ARHGEF10L: variants seen among roughly 807,000 people sequenced by gnomAD.
ARHGEF10L encodes the protein Rho guanine nucleotide exchange factor 10 like, also known as rho guanine nucleotide exchange factor 10-like protein.
In ARHGEF10L, 69 loss-of-function variants were observed where a neutral mutation model predicts 141.2. The observed-to-expected ratio is 0.49, with a 90% CI of 0.40 to 0.60. The LOEUF (loss-of-function observed/expected upper bound fraction) is 0.60, where lower values mean the gene tolerates loss of function less well. Ranked by LOEUF, ARHGEF10L falls within the 20% of genes least tolerant of loss-of-function variation. The probability of loss-of-function intolerance (pLI) is 0.00; values close to 1 mark genes in which losing one functional copy is unlikely to be tolerated. For synonymous variants in ARHGEF10L, 711 were observed against 718.5 expected, an observed-to-expected ratio of 0.99 and a Z score of 0.17; for missense variants, 1,482 against 1,734.3, an observed-to-expected ratio of 0.85 and a Z score of 2.58.
rs552292685 is a variant in ARHGEF10L, at chr1:17,601,690, C to T, written c.258-437C>T. On this transcript the variant is annotated intron_variant, in intron 4 of 28. Coordinates refer to ENST00000361221, the MANE Select transcript of ARHGEF10L (RefSeq NM_018125.4). Reference sequence around the variant, plus strand: ...TGAACTCCTGACCTCAAGTGATCCACATGCCTTGGCCTCCCAAAGTGCTGT... The same window carrying T: ...TGAACTCCTGACCTCAAGTGATCCATATGCCTTGGCCTCCCAAAGTGCTGT... Among the ~76,000 whole-genome samples, 409 of 152,190 alleles carry T rather than the reference C, an allele frequency of 2.7e-3. 1 individual carries two copies. Among genetic ancestry groups the T allele is most frequent in the Non-Finnish European group, 4.7e-3 (321 of 68,038 alleles).
chr1:17,671,940 A>G (rs149219873), intron 26 of ARHGEF10L, among the ~76,000 whole-genome samples: 2 of 152,172 alleles, frequency 1.3e-5, no homozygotes, highest in South Asian at 2.1e-4. Flanking sequence ...TCTGTCTGTA[A>G]TGTTTCCCCA....
At chr1:17,538,979 A>G (rs2076624755), upstream of ARHGEF10L, among the ~76,000 whole-genome samples, 2 of 152,346 alleles carry the variant, frequency 1.3e-5, no homozygotes, top group South Asian at 2.1e-4. Flanking sequence ...GGGAGTACCT[A>G]GTGTTTGGCA....
chr1:17,662,595 A>G (rs2062698827), intron 25 of ARHGEF10L, among the ~76,000 whole-genome samples: 1 of 152,036 alleles, frequency 6.6e-6, no homozygotes, highest in Admixed American at 6.5e-5. Flanking sequence ...TAAGTAGGGC[A>G]TAAGGGCAGA....
the ARHGEF10L span, among the ~76,000 whole-genome samples, chr1:17,518,455 G>A: frequency 6.6e-6 from 1 of 152,164 alleles, no homozygotes; most frequent in Non-Finnish European, 1.5e-5. Flanking sequence ...AATGATCCCA[G>A]AAGATGTTGG....
intron 26 of ARHGEF10L, among the ~76,000 whole-genome samples, chr1:17,665,019 C>T (rs1282509364): frequency 6.6e-6 from 1 of 152,176 alleles, no homozygotes; most frequent in African/African-American, 2.4e-5. Context: ...CTGCCTTGCC[C>T]TGGTTCCAGC....
intron 2 of ARHGEF10L, among the ~76,000 whole-genome samples, chr1:17,581,925 G>A (rs1177353552): frequency 6.6e-6 from 1 of 152,032 alleles, no homozygotes; most frequent in Non-Finnish European, 1.5e-5. Context: ...TCTTCCCTGT[G>A]GCAATGGGTG....
In ARHGEF10L at chr1:17,587,568, C is replaced by G. The variant is rs759926597; in HGVS notation, c.146C>G (p.Ala49Gly). 6.2e-7 allele frequency: 1 copy of G among 1,614,064 alleles called. No individual in the cohort carries two copies. Among genetic ancestry groups the G allele is most frequent in the African/African-American group, 1.3e-5 (1 of 74,928 alleles). Reference sequence around the variant, plus strand: ...GATGATGAAGAGGACACCAGCGCAGCCCTGGGCGTCCCCAGCCTTGCTCCT... The same window carrying G: ...GATGATGAAGAGGACACCAGCGCAGGCCTGGGCGTCCCCAGCCTTGCTCCT... Reference protein sequence around the residue: ...DSDDEEDTSAALGVPSLAPER... With the variant: ...DSDDEEDTSAGLGVPSLAPER... Residue 49 changes from alanine to glycine, a missense_variant, in exon 3 of 29, where the codon GCC becomes GGC. Physicochemically the swap from Ala to Gly is moderately conservative, Grantham distance 60. This residue lies in a region of ARHGEF10L where 232 missense variants were observed against 225.9 expected (regional missense o/e 1.03). Transcript: ENST00000361221.
chr1:17,515,793 C>G, the ARHGEF10L span, among the ~76,000 whole-genome samples: 1 of 152,074 alleles, frequency 6.6e-6, no homozygotes. Context: ...CAGGTGTGCA[C>G]CACCATGCCT....
chr1:17,561,831 G>A (rs557302255), intron 1 of ARHGEF10L, among the ~76,000 whole-genome samples: 2 of 152,304 alleles, frequency 1.3e-5, no homozygotes, highest in Admixed American at 1.3e-4. Flanking sequence ...AGATGGCAGT[G>A]CCTTTTGCCC....
chr1:17,562,812 C>A (rs1405872439), intron 1 of ARHGEF10L, among the ~76,000 whole-genome samples: 1 of 152,184 alleles, frequency 6.6e-6, no homozygotes, highest in Non-Finnish European at 1.5e-5. Context: ...CACTCCTGGC[C>A]CATGCTGGGC....
rs1246156502 is a variant in ARHGEF10L, at chr1:17,632,215, C to T, written c.1585-106C>T. On this transcript the variant is annotated intron_variant, in intron 15 of 28. Coordinates refer to ENST00000361221, the MANE Select transcript of ARHGEF10L (RefSeq NM_018125.4). ...AGTGGCTTCATCTCCTCCACCTCTC[C>T]CAGCCTCAGTCTCCCTTTCTGCACC... 2.1e-6 allele frequency: 3 copies of T among 1,461,628 alleles called. No individual in the cohort carries two copies. The African/African-American group carries it at 4.2e-5, about 20-fold the overall frequency. 90.5% of individuals were successfully genotyped at this position (1,461,628 alleles called of 1,614,324 possible).
At chr1:17,562,459 G>A (rs1442479293) in intron 1 of ARHGEF10L, among the ~76,000 whole-genome samples, 2 of 152,122 alleles carry the variant, frequency 1.3e-5, no homozygotes, top group Non-Finnish European at 2.9e-5. Context: ...TGGGGCCCTG[G>A]ATATCCACCT....
At chr1:17,694,699 C>T in intron 27 of ARHGEF10L, 1 of 345,346 alleles carries the variant, frequency 2.9e-6, no homozygotes, top group Non-Finnish European at 5.7e-6. Context: ...CTCTCGAGCC[C>T]CACCCGGCCC....
At chr1:17,646,361 T>G (rs1281869994) in intron 21 of ARHGEF10L, among the ~76,000 whole-genome samples, 1 of 152,186 alleles carries the variant, frequency 6.6e-6, no homozygotes, top group Non-Finnish European at 1.5e-5. Context: ...CAGATTAACG[T>G]TCATGTCGTG....
At position 17,625,978 on chromosome 1, in the gene ARHGEF10L, ACC is replaced by A; in HGVS notation, c.1341_1342del (p.Asp447GlufsTer51). ...CAGCGACGGCAGGTGTGCAGCCCAG[ACC>A]GTGTCACCCTCTACGGGCTGATGGT... On this transcript the variant is annotated frameshift_variant, in exon 14 of 29. Coordinates refer to ENST00000361221, the MANE Select transcript of ARHGEF10L (RefSeq NM_018125.4). LOFTEE classifies it high-confidence loss of function. This position sits in a 1 kb window ranked among gnomAD's most constrained non-coding sequence, Gnocchi z 4.5. The A allele has an allele frequency of 6.2e-7, 1 of 1,613,922 alleles. No individual in the cohort carries two copies. Among genetic ancestry groups the A allele is most frequent in the Non-Finnish European group, 8.5e-7 (1 of 1,179,894 alleles).
chr1:17,663,687 A>C (rs1399972457), intron 25 of ARHGEF10L, among the ~76,000 whole-genome samples: 1 of 152,232 alleles, frequency 6.6e-6, no homozygotes. Context: ...ATGAGAAATC[A>C]AGATTCAGTC....
intron 4 of ARHGEF10L, among the ~76,000 whole-genome samples, chr1:17,601,903 G>A (rs749341168): frequency 2.6e-5 from 4 of 152,218 alleles, no homozygotes; most frequent in Non-Finnish European, 5.9e-5. Flanking sequence ...TGTGAACAAG[G>A]TTGATCTTCA....
At chr1:17,681,896 T>C (rs1315245198) in intron 26 of ARHGEF10L, among the ~76,000 whole-genome samples, 1 of 152,194 alleles carries the variant, frequency 6.6e-6, no homozygotes, top group Non-Finnish European at 1.5e-5. Flanking sequence ...AATTCTGCCT[T>C]GCCTTCTGCA....
At chr1:17,583,367 A>G (rs1214134571) in intron 2 of ARHGEF10L, among the ~76,000 whole-genome samples, 1 of 152,164 alleles carries the variant, frequency 6.6e-6, no homozygotes, top group Non-Finnish European at 1.5e-5. Flanking sequence ...TCATAATAAT[A>G]ACAGTGATAA....
Sources: gnomAD v4.1 joint callset for allele counts (sites outside exome capture counted in the v4.1 genomes callset) on GRCh38, gnomAD v4.1.1 for gene constraint, gnomAD v4.1.1 regional missense constraint, Gnocchi (gnomAD v3.1) non-coding constraint, MANE v1.5 for transcripts, NCBI Gene and HGNC (gene_info 2026-07-23, HGNC 2026-07-21) for gene names.